The following ADAM10 variants were observed in gnomAD, a reference collection of about 807,000 sequenced individuals.
The protein encoded by ADAM10 is ADAM metallopeptidase domain 10.
Under a neutral mutation model 90.1 loss-of-function variants are expected in ADAM10, and 17 were observed. The ratio of observed to expected loss-of-function variants is 0.19; its 90% CI spans 0.13 to 0.28. The LOEUF is 0.28. Among genes scored for constraint, ADAM10 ranks in the 10% least tolerant of loss-of-function variants. ADAM10 has a pLI of 1.00. For synonymous variants in ADAM10, 310 were observed against 298.6 expected (o/e 1.04, Z -0.40); for missense variants, 610 against 914.3 (o/e 0.67, Z 4.29).
chr15:58,655,403 G>C (rs1248239966), intron 5 of ADAM10: 1 of 153,774 alleles, frequency 6.5e-6, no homozygotes, highest in Non-Finnish European at 1.5e-5. Flanking sequence ...GGAAGCAGGA[G>C]CAAGCAAGAG....
At chr15:58,608,669 C>G (rs1275751674) in intron 14 of ADAM10, among the ~76,000 whole-genome samples, 1 of 152,054 alleles carries the variant, frequency 6.6e-6, no homozygotes, top group East Asian at 1.9e-4. Flanking sequence ...CTTCATGTTG[C>G]CAATTCATTG....
At chr15:58,655,472 A>G (rs1312283167) in intron 5 of ADAM10, 2 of 151,610 alleles carry the variant, frequency 1.3e-5, no homozygotes, top group Admixed American at 6.6e-5. Flanking sequence ...AGAACTCACT[A>G]TCACAAAAAC....
intron 4 of ADAM10, among the ~76,000 whole-genome samples, chr15:58,673,996 G>A (rs1478506627): frequency 6.6e-6 from 1 of 150,666 alleles, no homozygotes; most frequent in East Asian, 1.9e-4. Context: ...GCCTCCCAAA[G>A]TGCTGGGATT....
At chr15:58,682,477 AAGT>A (rs1897467787) in intron 2 of ADAM10, among the ~76,000 whole-genome samples, 163 bp from the exon 3 acceptor site, 1 of 152,198 alleles carries the variant, frequency 6.6e-6, no homozygotes, top group Non-Finnish European at 1.5e-5. Flanking sequence ...TCTGCTCTAA[AAGT>A]CAACTTAGTA....
chr15:58,632,493 A>G (rs1383650695), intron 9 of ADAM10, among the ~76,000 whole-genome samples: 1 of 152,204 alleles, frequency 6.6e-6, no homozygotes, highest in Non-Finnish European at 1.5e-5. Flanking sequence ...GCTTTTCCAT[A>G]TTTAACAAAT....
chr15:58,656,141 T>C (rs1256352624), intron 5 of ADAM10, among the ~76,000 whole-genome samples: 4 of 152,192 alleles, frequency 2.6e-5, no homozygotes, highest in Non-Finnish European at 5.9e-5. Flanking sequence ...CCTGCTCTTC[T>C]GGTTTCCGCT....
rs1392145431 is a variant in ADAM10, at chr15:58,614,210, G to C, written c.1512-2219C>G. Among the ~76,000 whole-genome samples the C allele has an allele frequency of 2.0e-5, 3 of 151,962 alleles. No individual in the cohort carries two copies. In the East Asian group the frequency reaches 5.8e-4, roughly 29 times the overall value. Reference sequence around the variant, plus strand: ...TGAGGCACAAGAATCACTTGAACTTGGAAGGCAGAGGTTGCAGTGAGCTCA... The same window carrying C: ...TGAGGCACAAGAATCACTTGAACTTCGAAGGCAGAGGTTGCAGTGAGCTCA... On this transcript the variant is annotated intron_variant, in intron 11 of 15. Coordinates refer to ENST00000260408, the MANE Select transcript of ADAM10 (RefSeq NM_001110.4).
intron 8 of ADAM10, among the ~76,000 whole-genome samples, chr15:58,635,771 C>T (rs1896233892): frequency 1.4e-5 from 2 of 147,928 alleles, no homozygotes; most frequent in Admixed American, 1.4e-4. Context: ...GAAGACTCCA[C>T]ACTTCAAATC....
At position 58,621,632 on chromosome 15, in the gene ADAM10, T is replaced by C. The variant is rs766143545; in HGVS notation, c.1361-11A>G. 18 of 1,613,508 alleles carry C rather than the reference T, an allele frequency of 1.1e-5. No individual in the cohort carries two copies. In the African/African-American group the frequency reaches 1.2e-4, roughly 11 times the overall value. On this transcript the variant is annotated splice_polypyrimidine_tract_variant and intron_variant, in intron 10 of 15. Coordinates refer to ENST00000260408, the MANE Select transcript of ADAM10 (RefSeq NM_001110.4). ...TAGGTTGGCCAGATTCTGAGGAAAATAAACAAGACAAAGTAAGCATTGTGT... is the reference window on the plus strand; with the variant it reads ...TAGGTTGGCCAGATTCTGAGGAAAACAAACAAGACAAAGTAAGCATTGTGT...
chr15:58,650,258 T>G (rs1896652320), intron 5 of ADAM10, among the ~76,000 whole-genome samples: 1 of 152,160 alleles, frequency 6.6e-6, no homozygotes, highest in Admixed American at 6.5e-5. Flanking sequence ...TTGAACTGAG[T>G]GCCAGGCTAT....
intron 2 of ADAM10, chr15:58,691,321 TG>T: frequency 8.2e-7 from 1 of 1,225,320 alleles, no homozygotes; most frequent in Non-Finnish European, 1.2e-6. Flanking sequence ...TCAAATTCCT[TG>T]AGCTGCTGCA....
chr15:58,687,684 A>G (rs1897643235), intron 2 of ADAM10, among the ~76,000 whole-genome samples: 1 of 152,188 alleles, frequency 6.6e-6, no homozygotes, highest in Non-Finnish European at 1.5e-5. Flanking sequence ...GAACAGTTAA[A>G]CTGTGGTATA....
At chr15:58,704,559 A>C (rs1296662453) in intron 2 of ADAM10, among the ~76,000 whole-genome samples, 1 of 152,224 alleles carries the variant, frequency 6.6e-6, no homozygotes, top group East Asian at 1.9e-4. Flanking sequence ...TTACTACAAT[A>C]AAAATAAATT....
chr15:58,666,873 T>C (rs1051662610), intron 4 of ADAM10, among the ~76,000 whole-genome samples: 3 of 152,168 alleles, frequency 2.0e-5, no homozygotes, highest in African/African-American at 7.2e-5. Flanking sequence ...CTTCAAATTC[T>C]GTCAGCACAA....
At chr15:58,658,066 T>C (rs1896876303) in intron 5 of ADAM10, among the ~76,000 whole-genome samples, 1 of 152,200 alleles carries the variant, frequency 6.6e-6, no homozygotes, top group Admixed American at 6.5e-5. Context: ...ATGTTTTTCA[T>C]AGGGAATTTT....
intron 2 of ADAM10, among the ~76,000 whole-genome samples, chr15:58,690,085 C>A (rs1434987595): frequency 2.0e-5 from 3 of 152,006 alleles, no homozygotes; most frequent in Non-Finnish European, 4.4e-5. Flanking sequence ...AAGAGGCTGG[C>A]TTAACATTCT....
intron 8 of ADAM10, among the ~76,000 whole-genome samples, chr15:58,636,642 T>C (rs1896262466): frequency 2.0e-5 from 3 of 152,154 alleles, no homozygotes; most frequent in South Asian, 4.1e-4. Context: ...AGAAGTATAA[T>C]GACAATTTTC....
intron 1 of ADAM10, among the ~76,000 whole-genome samples, chr15:58,740,651 G>C (rs182601595): frequency 1.3e-5 from 2 of 151,978 alleles, no homozygotes; most frequent in South Asian, 4.2e-4. Flanking sequence ...CTAATCCTCC[G>C]AGCTTAGCTT....
At position 58,592,805 on chromosome 15, in the gene ADAM10, C is replaced by T. The variant is rs1219565224; in HGVS notation, c.*4742G>A. ...TGGTAGTATAACTTGGTACATCTAT[C>T]TGGGAGACAGTACCATAATTTTTAT... On this transcript the variant is annotated 3_prime_UTR_variant, in exon 16 of 16. Transcript: ENST00000260408. The T allele has an allele frequency of 2.1e-4, 32 of 149,992 alleles. No individual in the cohort carries two copies. The highest frequency in any genetic ancestry group is 3.3e-4 in the Non-Finnish European group (22 of 67,570). The allele number at this position is 149,992 out of a possible 1,614,324, so 9.3% of individuals were successfully genotyped here.
Sources: gnomAD v4.1 joint callset for allele counts (sites outside exome capture counted in the v4.1 genomes callset) on GRCh38, gnomAD v4.1.1 for gene constraint, MANE v1.5 for transcripts, NCBI Gene and HGNC (gene_info 2026-07-23, HGNC 2026-07-21) for gene names.